The following SPATA22 variants were observed in gnomAD, a reference collection of about 807,000 sequenced individuals.
The protein encoded by SPATA22 is spermatogenesis-associated protein 22.
A neutral mutation model predicts 47.8 loss-of-function variants in SPATA22; 29 were observed. The ratio of observed to expected loss-of-function variants is 0.61; its 90% CI spans 0.45 to 0.83. The LOEUF (loss-of-function observed/expected upper bound fraction) is 0.83. Ranked by LOEUF, SPATA22 falls within the 40% of genes least tolerant of loss-of-function variation. The probability of loss-of-function intolerance (pLI) is 0.00; values close to 1 mark genes in which losing one functional copy is unlikely to be tolerated. For missense variants in SPATA22, 410 were observed against 421.7 expected (o/e 0.97, Z 0.24); for synonymous variants, 133 against 140.9 (o/e 0.94, Z 0.40).
At chr17:3,441,311 A>G (rs1051709317) in intron 8 of SPATA22, 2 of 152,074 alleles carry the variant, frequency 1.3e-5, no homozygotes, top group African/African-American at 4.8e-5. Context: ...TTTTCTTTTT[A>G]ATTCCTAGAA....
chr17:3,449,181 C>A, intron 5 of SPATA22, 32 bp from the exon 6 acceptor site: 1 of 1,443,538 alleles, frequency 6.9e-7, no homozygotes, highest in Non-Finnish European at 9.4e-7. Context: ...GCATTTGTTT[C>A]TATATGGTTT....
At chr17:3,474,836 C>G (rs149223364), upstream of SPATA22, among the ~76,000 whole-genome samples, 16 of 152,256 alleles carry the variant, frequency 1.1e-4, no homozygotes, top group Non-Finnish European at 2.1e-4. Context: ...CCAAAAATAA[C>G]AGAGAGGCAC....
At chr17:3,476,408 T>C, upstream of SPATA22, 1 of 1,609,358 alleles carries the variant, frequency 6.2e-7, no homozygotes, top group East Asian at 2.2e-5. Context: ...AAGACTATGC[T>C]TTGTATTGTA....
At chr17:3,481,526 T>C in intron 1 of SPATA22, 5 of 1,383,710 alleles carry the variant, frequency 3.6e-6, no homozygotes, top group Admixed American at 2.1e-5. Flanking sequence ...TGGTTCTTTT[T>C]ACACTGTGTT....
At chr17:3,440,923 T>C (rs1410548230) in intron 8 of SPATA22, 1 of 151,986 alleles carries the variant, frequency 6.6e-6, no homozygotes, top group East Asian at 1.9e-4. Flanking sequence ...CAGACTTGTA[T>C]AGGTGGGAAA....
In SPATA22 at chr17:3,462,538, C is replaced by T. The variant is rs779172541; in HGVS notation, c.274G>A (p.Asp92Asn). Residue 92 changes from aspartate to asparagine, a missense_variant, in exon 5 of 9, where the codon GAT becomes AAT. Physicochemically the swap from Asp to Asn is conservative, Grantham distance 23. Coordinates refer to ENST00000572969, the MANE Select transcript of SPATA22 (RefSeq NM_001170698.2). ...GATTGAATAGAGTTAAAGACAGAAT[C>T]TTGACTTCTCAGAGGACGAGAAACT... The part of the protein sequence containing the change: ...HSVSRPLRSQ[D>N]SVFNSIQSNT... 3 of 1,613,446 alleles carry T rather than the reference C, an allele frequency of 1.9e-6. No homozygotes were observed. The highest frequency in any genetic ancestry group is 2.5e-6 in the Non-Finnish European group (3 of 1,179,736).
At chr17:3,455,379 G>C (rs2072964007) in intron 5 of SPATA22, among the ~76,000 whole-genome samples, 1 of 151,382 alleles carries the variant, frequency 6.6e-6, no homozygotes, top group Admixed American at 6.6e-5. Context: ...CCATGCCTAT[G>C]TCCTGAATGG....
At chr17:3,471,371 T>C in intron 1 of SPATA22, 3 of 956,468 alleles carry the variant, frequency 3.1e-6, no homozygotes, top group Non-Finnish European at 3.7e-6. Context: ...CAACAAAATT[T>C]TTAAGTGTAA....
intron 3 of SPATA22, among the ~76,000 whole-genome samples, chr17:3,464,674 C>T (rs1480232425): frequency 5.3e-5 from 8 of 150,720 alleles, no homozygotes; most frequent in Middle Eastern, 3.4e-3. Flanking sequence ...CGGCCGCGAC[C>T]CCGTCTGGGA....
At chr17:3,483,657 T>C in intron 1 of SPATA22, 1 of 1,440,746 alleles carries the variant, frequency 6.9e-7, no homozygotes, top group Non-Finnish European at 9.8e-7. Context: ...CAGAGAAATT[T>C]ATTTTTTATC....
At chr17:3,479,785 G>C (rs1342859015) in intron 1 of SPATA22, among the ~76,000 whole-genome samples, 1 of 152,142 alleles carries the variant, frequency 6.6e-6, no homozygotes, top group Non-Finnish European at 1.5e-5. Context: ...ATTGTACACA[G>C]TAGGTCCCTT....
At chr17:3,476,332 T>C, upstream of SPATA22, 1 of 1,614,136 alleles carries the variant, frequency 6.2e-7, no homozygotes, top group South Asian at 1.1e-5. Flanking sequence ...CCCAGAGCAG[T>C]GAAGAAGTGT....
At chr17:3,447,369 A>G (rs192019180) in intron 6 of SPATA22, among the ~76,000 whole-genome samples, 2 of 152,302 alleles carry the variant, frequency 1.3e-5, no homozygotes, top group Admixed American at 6.5e-5. Context: ...TGTGAAGAAC[A>G]TATGATGGGA....
intron 1 of SPATA22, chr17:3,500,465 CA>C (rs1170207442): frequency 6.6e-6 from 1 of 152,036 alleles, no homozygotes. Context: ...GGGTTAAAGC[CA>C]AAGCTCATTA....
intron 6 of SPATA22, among the ~76,000 whole-genome samples, chr17:3,446,933 T>A (rs2072739144): frequency 1.3e-5 from 2 of 152,134 alleles, no homozygotes; most frequent in South Asian, 4.1e-4. Context: ...GCACTCACAC[T>A]CTAGGGGACT....
rs1010205367 is a variant in SPATA22 at position 3,485,290 on chromosome 17, G to A, written c.-73-15892C>T. The stretch of plus-strand genomic sequence containing the variant: ...CTCCCAAAGTGCTGGGATTACAAGC[G>A]TGAGCCACCACACCTGTACCTCATT... On this transcript the variant is annotated intron_variant, in intron 1 of 8. Coordinates refer to the SPATA22 transcript ENST00000541913. The surrounding 1 kb of genome is among the most constrained non-coding windows in gnomAD (Gnocchi z 4.4). Among the ~76,000 whole-genome samples the A allele has an allele frequency of 2.0e-5, 3 of 152,092 alleles. No homozygotes were observed. Among genetic ancestry groups the A allele is most frequent in the Admixed American group, 6.6e-5 (1 of 15,262 alleles).
intron 7 of SPATA22, among the ~76,000 whole-genome samples, chr17:3,444,917 T>C (rs1024524887): frequency 6.6e-6 from 1 of 152,010 alleles, no homozygotes; most frequent in African/African-American, 2.4e-5. Context: ...AACCATCACA[T>C]ATAAAAGCAT....
chr17:3,464,588 G>C (rs4790493), intron 3 of SPATA22, among the ~76,000 whole-genome samples: 62,256 of 119,600 alleles, frequency 0.52, 17,549 homozygotes, highest in Non-Finnish European at 0.64. Flanking sequence ...CGTCTCTGCC[G>C]GGCCGCCCAT....
At position 3,488,598 on chromosome 17, in the gene SPATA22, A is replaced by G. The variant is rs1287927615; in HGVS notation, c.-73-19200T>C. ...CTTGAACCTGGGAGGCAGAGGTTGC[A>G]GTGAGCAGAAATCACACCACTGTAC... On this transcript the variant is annotated intron_variant, in intron 1 of 8. Coordinates refer to the SPATA22 transcript ENST00000541913. The surrounding 1 kb of genome is among the most constrained non-coding windows in gnomAD (Gnocchi z 6.1). Among the ~76,000 whole-genome samples, 1 of 152,212 alleles carries G rather than the reference A, an allele frequency of 6.6e-6. No homozygotes were observed. The highest frequency in any genetic ancestry group is 1.5e-5 in the Non-Finnish European group (1 of 68,038).
Sources: gnomAD v4.1 joint callset for allele counts (sites outside exome capture counted in the v4.1 genomes callset) on GRCh38, gnomAD v4.1.1 for gene constraint, Gnocchi (gnomAD v3.1) non-coding constraint, MANE v1.5 for transcripts, NCBI Gene and HGNC (gene_info 2026-07-23, HGNC 2026-07-21) for gene names.